The following LZTS1 variants were observed in gnomAD, a reference collection of about 807,000 sequenced individuals.
The protein encoded by LZTS1 is leucine zipper tumor suppressor 1.
In LZTS1, 31 loss-of-function variants were observed where a neutral mutation model predicts 45.8. The ratio of observed to expected loss-of-function variants is 0.68; its 90% CI spans 0.51 to 0.91. LZTS1 has a LOEUF of 0.91. Among genes scored for constraint, LZTS1 ranks in the 40% least tolerant of loss-of-function variants. The pLI is 0.00. For missense variants in LZTS1, 821 were observed against 788.9 expected (o/e 1.04, Z -0.49); for synonymous variants, 359 against 357.3 (o/e 1.00, Z -0.05).
In LZTS1 at chr8:20,251,098, AAT is replaced by A. The variant is rs527759585; in HGVS notation, c.1150-737_1150-736del. Among the ~76,000 whole-genome samples, 204 of 41,246 alleles carry A rather than the reference AAT, an allele frequency of 4.9e-3. 1 individual carries two copies. Among genetic ancestry groups the A allele is most frequent in the African/African-American group, 6.6e-3 (98 of 14,816 alleles). 27.1% of individuals were successfully genotyped at this position (41,246 alleles called of 152,430 possible). A position where few individuals can be genotyped will look rare whatever the true frequency, so the allele number is the denominator to read the frequency against. ...TGGTGAAGTGACCAGCCTGAGGGCTAATATATATATATATATATATATATATA... is the reference window on the plus strand; with the variant it reads ...TGGTGAAGTGACCAGCCTGAGGGCTAATATATATATATATATATATATATA... On this transcript the variant is annotated intron_variant, in intron 3 of 3. Coordinates refer to ENST00000381569, the MANE Select transcript of LZTS1 (RefSeq NM_021020.5).
Position 20,248,864 on chromosome 8 carries a change from G to A in LZTS1, c.*858C>T, listed in dbSNP as rs1021987426. 1 of 152,564 alleles carries A rather than the reference G, an allele frequency of 6.6e-6. No individual in the cohort carries two copies. The highest frequency in any genetic ancestry group is 1.9e-4 in the East Asian group (1 of 5,160). The allele number at this position is 152,564 out of a possible 1,614,324, so 9.5% of individuals were successfully genotyped here. ...CTGGACAGATGGGGAGGCTCCCTGA[G>A]GGTGCCTGGAAAGCCACACCCTCTG... On this transcript the variant is annotated 3_prime_UTR_variant, in exon 4 of 4. Transcript: ENST00000381569.
chr8:20,279,681 CAAAAAAAAAAAA>C (rs34501896), intron 1 of LZTS1, among the ~76,000 whole-genome samples: 2 of 70,956 alleles, frequency 2.8e-5, no homozygotes, highest in Admixed American at 1.9e-4. Flanking sequence ...GACCCTGTCT[CAAAAAAAAAAAA>C]AAAAAAAAAG....
At chr8:20,281,722 T>C (rs1800697483) in intron 1 of LZTS1, among the ~76,000 whole-genome samples, 1 of 152,182 alleles carries the variant, frequency 6.6e-6, no homozygotes, top group Non-Finnish European at 1.5e-5. Context: ...CTGTTCCCCC[T>C]TCACCTTGCA....
intron 1 of LZTS1, among the ~76,000 whole-genome samples, chr8:20,293,587 G>A (rs1800934914): frequency 6.6e-6 from 1 of 152,246 alleles, no homozygotes; most frequent in African/African-American, 2.4e-5. Context: ...CCTGAGCGTA[G>A]CACAGGGCTG....
rs556725475 is a variant in LZTS1 at position 20,281,935 on chromosome 8, T to C, written c.-135+21805A>G. Among the ~76,000 whole-genome samples, 5 of 152,290 alleles carry C rather than the reference T, an allele frequency of 3.3e-5. No homozygotes were observed. In the East Asian group the frequency reaches 9.7e-4, roughly 29 times the overall value. ...AAGAGTTGGTGGAAGGATGGAGCTA[T>C]CATTATAGTTGATTCTGCTACCAGC... On this transcript the variant is annotated intron_variant, in intron 1 of 3. Coordinates refer to ENST00000381569, the MANE Select transcript of LZTS1 (RefSeq NM_021020.5).
At position 20,249,988 on chromosome 8, in the gene LZTS1, C is replaced by CCCGCAG; in HGVS notation, c.1519_1524dup (p.Leu507_Arg508dup). The CCCGCAG allele has an allele frequency of 6.2e-7, 1 of 1,613,592 alleles. No homozygotes were observed. Among genetic ancestry groups the CCCGCAG allele is most frequent in the Non-Finnish European group, 8.5e-7 (1 of 1,179,824 alleles). ...CCTTGCCGCTCCTCCCGCAGCTCGG[C>CCCGCAG]CCGCAGCCGCTCCAGCTCCCGCTGC... On this transcript the variant is annotated inframe_insertion, in exon 4 of 4. Transcript: ENST00000381569.
chr8:20,276,772 A>G (rs11204108), intron 1 of LZTS1, among the ~76,000 whole-genome samples: 90,121 of 152,058 alleles, frequency 0.59, 27,180 homozygotes, highest in Middle Eastern at 0.64. Context: ...TGAATGAGAG[A>G]ACATCAGAGG....
intron 1 of LZTS1, among the ~76,000 whole-genome samples, chr8:20,287,372 T>C (rs757298507): frequency 1.2e-4 from 18 of 152,364 alleles, no homozygotes; most frequent in Non-Finnish European, 2.5e-4. Context: ...AGCACAGGGC[T>C]GGACACTGCT....
chr8:20,303,620 C>G (rs1011585800), intron 1 of LZTS1, 120 bp downstream of exon 1: 1 of 871,052 alleles, frequency 1.1e-6, no homozygotes, highest in African/African-American at 1.8e-5. Context: ...CACAGACAGA[C>G]AAAGACCGAC....
chr8:20,251,135 ATATAT>A (rs1563850947), intron 3 of LZTS1, among the ~76,000 whole-genome samples: 18 of 81,516 alleles, frequency 2.2e-4, no homozygotes, highest in African/African-American at 7.0e-4. Context: ...ATATATATAT[ATATAT>A]ATATATATAA....
rs760658840 is a variant in LZTS1, at chr8:20,252,986, G to A, written c.945C>T (p.Asn315=). The stretch of plus-strand genomic sequence containing the variant: ...TCTTCTGCGAGGCCTGCTTGAGCTT[G>A]TTGCCGCCTTTGGGCTCCGGGCCCT... ...ELEGPEPKGG[N]KLKQASQKSQ... is the part of the protein sequence containing the mutation. Residue 315 remains asparagine, a synonymous_variant, in exon 3 of 4, where the codon AAC becomes AAT. Transcript: ENST00000381569. 7.6e-6 allele frequency: 12 copies of A among 1,588,176 alleles called. No homozygotes were observed. The highest frequency in any genetic ancestry group is 5.2e-5 in the Admixed American group (3 of 57,948).
rs1021042459 is a variant in LZTS1 at position 20,255,225 on chromosome 8, G to C, written c.-44C>G. ...ATGGGGCAGGGCCGGGCAGGGTCTTGGAAAGGCTGTGGCAGCAAGGGGCAG... is the reference window on the plus strand; with the variant it reads ...ATGGGGCAGGGCCGGGCAGGGTCTTCGAAAGGCTGTGGCAGCAAGGGGCAG... On this transcript the variant is annotated 5_prime_UTR_variant, in exon 2 of 4. Coordinates refer to ENST00000381569, the MANE Select transcript of LZTS1 (RefSeq NM_021020.5). 5.7e-6 allele frequency: 9 copies of C among 1,570,956 alleles called. No individual in the cohort carries two copies. The highest frequency in any genetic ancestry group is 2.4e-5 in the South Asian group (2 of 84,870).
rs544538665 is a variant in LZTS1, at chr8:20,299,532, T to TA, written c.-135+4207dup. Among the ~76,000 whole-genome samples, 391 of 152,344 alleles carry TA rather than the reference T, an allele frequency of 2.6e-3. 2 individuals are homozygous for TA. The highest frequency in any genetic ancestry group is 8.7e-3 in the African/African-American group (363 of 41,582). ...AGCATTATTTCGTCTTTTTTGCTGT[T>TA]ATTCCCCACTCCCTGGCACCTCACA... On this transcript the variant is annotated intron_variant, in intron 1 of 3. Coordinates refer to ENST00000381569, the MANE Select transcript of LZTS1 (RefSeq NM_021020.5).
chr8:20,254,550 T>C (rs2128892627), intron 2 of LZTS1, among the ~76,000 whole-genome samples: 1 of 152,240 alleles, frequency 6.6e-6, no homozygotes, highest in East Asian at 1.9e-4. Context: ...ACAATCCAGC[T>C]ACATTTCAGT....
At chr8:20,280,626 T>A (rs1402569441) in intron 1 of LZTS1, among the ~76,000 whole-genome samples, 1 of 151,982 alleles carries the variant, frequency 6.6e-6, no homozygotes, top group Non-Finnish European at 1.5e-5. Flanking sequence ...GGGGAGTCGA[T>A]TGCGCTAATG....
At chr8:20,262,440 A>G (rs1800253872) in intron 1 of LZTS1, among the ~76,000 whole-genome samples, 1 of 152,026 alleles carries the variant, frequency 6.6e-6, no homozygotes, top group Non-Finnish European at 1.5e-5. Context: ...TCATGTGTGC[A>G]CGTCTTTGTG....
intron 1 of LZTS1, among the ~76,000 whole-genome samples, chr8:20,274,051 A>G (rs1054444307): frequency 6.6e-6 from 1 of 152,118 alleles, no homozygotes; most frequent in African/African-American, 2.4e-5. Flanking sequence ...GACTTTGCTC[A>G]GAAGGCACTC....
At chr8:20,262,477 T>A (rs867156601) in intron 1 of LZTS1, among the ~76,000 whole-genome samples, 1 of 152,124 alleles carries the variant, frequency 6.6e-6, no homozygotes, top group Admixed American at 6.6e-5. Flanking sequence ...TGTGTGTGTA[T>A]ACGTGTGCAT....
At chr8:20,299,646 C>T (rs1341998309) in intron 1 of LZTS1, among the ~76,000 whole-genome samples, 2 of 152,088 alleles carry the variant, frequency 1.3e-5, no homozygotes, top group Non-Finnish European at 2.9e-5. Flanking sequence ...CGCCATGGAG[C>T]CCCGAGAACA....
Sources: gnomAD v4.1 joint callset for allele counts (sites outside exome capture counted in the v4.1 genomes callset) on GRCh38, gnomAD v4.1.1 for gene constraint, MANE v1.5 for transcripts, NCBI Gene and HGNC (gene_info 2026-07-23, HGNC 2026-07-21) for gene names.